The following SLMAP variants were observed in gnomAD, a reference collection of about 807,000 sequenced individuals.
SLMAP encodes sarcolemma associated protein, also known as sarcolemmal membrane-associated protein.
Under a neutral mutation model 128.8 loss-of-function variants are expected in SLMAP, and 44 were observed. The ratio of observed to expected loss-of-function variants is 0.34; its 90% CI spans 0.27 to 0.44. The LOEUF (loss-of-function observed/expected upper bound fraction) is 0.44. SLMAP is among the 20% of genes least tolerant of loss of function. SLMAP has a pLI of 1.00. For synonymous variants in SLMAP, 327 were observed against 348.8 expected (o/e 0.94, Z 0.70); for missense variants, 787 against 985.3 (o/e 0.80, Z 2.69).
intron 14 of SLMAP, among the ~76,000 whole-genome samples, chr3:57,888,777 A>G (rs1560426737): frequency 2.0e-5 from 3 of 152,214 alleles, no homozygotes. Flanking sequence ...GTATCAGAAG[A>G]AATGGCTAAA....
At chr3:57,905,232 A>T (rs894449161) in intron 17 of SLMAP, among the ~76,000 whole-genome samples, 35 of 152,058 alleles carry the variant, frequency 2.3e-4, no homozygotes, top group Admixed American at 2.0e-3. Flanking sequence ...ATTTCTCTAT[A>T]TCTCCAAATC....
rs190769315 is a variant in SLMAP at position 57,831,481 on chromosome 3, C to T, written c.297C>T (p.Ser99=). 180 of 1,594,134 alleles carry T rather than the reference C, an allele frequency of 1.1e-4. No homozygotes were observed. The Admixed American group carries it at 1.9e-3, about 17-fold the overall frequency. The change falls in exon 3 of 25, where the codon TCC becomes TCT. Residue 99 remains serine (S), a synonymous_variant. Coordinates refer to ENST00000671191, the MANE Select transcript of SLMAP (RefSeq NM_001377540.1). Reference sequence around the variant, plus strand: ...AAAGTCCACCATGTGAAATTCTTTCCGGTGACATTATCCAGTTTGGAGTAG... The same window carrying T: ...AAAGTCCACCATGTGAAATTCTTTCTGGTGACATTATCCAGTTTGGAGTAG... ...SEESPPCEIL[S]GDIIQFGVDV... is the part of the protein sequence containing the mutation.
intron 2 of SLMAP, among the ~76,000 whole-genome samples, chr3:57,826,868 G>A (rs1026918038): frequency 1.3e-5 from 2 of 151,990 alleles, no homozygotes; most frequent in Admixed American, 6.6e-5. Context: ...GTTTCCTTAC[G>A]TATCCTTCTG....
intron 14 of SLMAP, among the ~76,000 whole-genome samples, chr3:57,878,079 G>A (rs1239660150): frequency 1.3e-5 from 2 of 151,726 alleles, no homozygotes; most frequent in African/African-American, 4.8e-5. Context: ...CTGACCTCAG[G>A]TGATCCACCT....
At chr3:57,834,472 T>A (rs1390091304) in intron 3 of SLMAP, among the ~76,000 whole-genome samples, 1 of 152,122 alleles carries the variant, frequency 6.6e-6, no homozygotes, top group African/African-American at 2.4e-5. Flanking sequence ...TATGGCTATC[T>A]ATGGCAAAGA....
chr3:57,871,376 A>T (rs2095476436), intron 13 of SLMAP, among the ~76,000 whole-genome samples: 1 of 152,202 alleles, frequency 6.6e-6, no homozygotes, highest in Non-Finnish European at 1.5e-5. Context: ...GAACCATTTT[A>T]AAGCAATATA....
intron 2 of SLMAP, among the ~76,000 whole-genome samples, chr3:57,760,847 C>T (rs536643560): frequency 7.2e-5 from 11 of 152,208 alleles, no homozygotes; most frequent in Admixed American, 6.5e-4. Flanking sequence ...CCTGCCTCAG[C>T]TTCCCGAGTA....
chr3:57,926,630 A>G (rs1345820213), intron 24 of SLMAP, among the ~76,000 whole-genome samples: 1 of 152,236 alleles, frequency 6.6e-6, no homozygotes, highest in Non-Finnish European at 1.5e-5. Flanking sequence ...AAAGCCCTCT[A>G]AAAGCTAGCA....
Position 57,916,932 on chromosome 3 carries a change from C to A in SLMAP, c.2165C>A (p.Thr722Asn). 2 of 1,613,712 alleles carry A rather than the reference C, an allele frequency of 1.2e-6. No individual in the cohort carries two copies. ...HNSQKQSLEL[T>N]SDLSILQMSR... ...TCTCAGAAGCAGAGTTTAGAGCTTA[C>A]CAGTGATCTCAGCATCCTTCAAATG... The change falls in exon 22 of 25, where the codon ACC (threonine) becomes AAC (asparagine). Residue 722 changes from threonine (T) to asparagine (N), a missense_variant. Thr to Asn is a moderately conservative substitution (Grantham distance 65). Transcript: ENST00000671191.
intron 17 of SLMAP, among the ~76,000 whole-genome samples, chr3:57,906,300 C>CTTTTTTTTTTTTTTTTTTTTTTTTT (rs112949836): frequency 2.8e-5 from 2 of 71,290 alleles, no homozygotes; most frequent in Non-Finnish European, 5.6e-5. Context: ...AAATTTTTTT[C>CTTTTTTTTTTTTTTTTTTTTTTTTT]TTTTTTTTTC....
At chr3:57,836,843 C>T (rs1443216418) in intron 3 of SLMAP, among the ~76,000 whole-genome samples, 1 of 152,202 alleles carries the variant, frequency 6.6e-6, no homozygotes, top group Non-Finnish European at 1.5e-5. Flanking sequence ...TCCTCTTTTC[C>T]TGGACCCACA....
At chr3:57,831,603 A>G in intron 3 of SLMAP, 73 bp downstream of exon 3, 1 of 1,029,076 alleles carries the variant, frequency 9.7e-7, no homozygotes, top group Non-Finnish European at 1.3e-6. Flanking sequence ...CTTACTTGAC[A>G]TTATGAAACA....
intron 2 of SLMAP, among the ~76,000 whole-genome samples, chr3:57,776,309 C>T (rs1208475656): frequency 6.6e-6 from 1 of 152,084 alleles, no homozygotes; most frequent in Non-Finnish European, 1.5e-5. Context: ...CTGTTGCTTT[C>T]ACATTAGAGT....
In SLMAP at chr3:57,837,941, A is replaced by G. The variant is rs543501801; in HGVS notation, c.347-3358A>G. Among the ~76,000 whole-genome samples the G allele has an allele frequency of 8.2e-4, 125 of 152,256 alleles. 2 individuals carry two copies. The South Asian group carries it at 0.025, about 30-fold the overall frequency. On this transcript the variant is annotated intron_variant, in intron 3 of 24. Coordinates refer to ENST00000671191, the MANE Select transcript of SLMAP (RefSeq NM_001377540.1). ...TTGTGAGCTTAGTCAGACGTGGGTT[A>G]TTTTTGTTTTTGTTTTTTAAATTGC... is the stretch of plus-strand genomic sequence containing the variant.
At chr3:57,838,297 AAG>A (rs943161777) in intron 3 of SLMAP, among the ~76,000 whole-genome samples, 2 of 152,254 alleles carry the variant, frequency 1.3e-5, no homozygotes, top group African/African-American at 4.8e-5. Flanking sequence ...CATTTATCAT[AAG>A]AGAGAGAAAT....
chr3:57,898,173 G>A (rs2096285034), intron 17 of SLMAP: 1 of 152,146 alleles, frequency 6.6e-6, no homozygotes, highest in Non-Finnish European at 1.5e-5. Flanking sequence ...CTCTTCTTAG[G>A]TGATCTTTGG....
intron 2 of SLMAP, among the ~76,000 whole-genome samples, chr3:57,789,788 T>C (rs1219362143): frequency 1.3e-5 from 2 of 152,178 alleles, no homozygotes; most frequent in Non-Finnish European, 2.9e-5. Context: ...TCTTTTTTTC[T>C]TTATCAAGTC....
At chr3:57,782,857 G>T (rs1041228092) in intron 2 of SLMAP, among the ~76,000 whole-genome samples, 4 of 152,110 alleles carry the variant, frequency 2.6e-5, no homozygotes, top group African/African-American at 9.7e-5. Flanking sequence ...GCCCCCTCTT[G>T]CTGTCTCCCT....
At chr3:57,779,408 C>T (rs1406856587) in intron 2 of SLMAP, among the ~76,000 whole-genome samples, 1 of 150,094 alleles carries the variant, frequency 6.7e-6, no homozygotes, top group Admixed American at 6.7e-5. Context: ...ACTCAGGAGG[C>T]TGAGGTGGGA....
Sources: gnomAD v4.1 joint callset for allele counts (sites outside exome capture counted in the v4.1 genomes callset) on GRCh38, gnomAD v4.1.1 for gene constraint, MANE v1.5 for transcripts, NCBI Gene and HGNC (gene_info 2026-07-23, HGNC 2026-07-21) for gene names.